The following TANK variants were observed in gnomAD, a reference collection of about 807,000 sequenced individuals.
TANK encodes TRAF family member-associated NF-kappa-B activator.
In TANK, 15 loss-of-function variants were observed where a neutral mutation model predicts 43.6. The ratio of observed to expected loss-of-function variants is 0.34; its 90% CI spans 0.23 to 0.53. The LOEUF (loss-of-function observed/expected upper bound fraction) is 0.53. TANK is among the 20% of genes least tolerant of loss of function. The pLI, the probability that TANK is intolerant of heterozygous loss-of-function variation, is 0.94. For synonymous variants in TANK, 162 were observed against 178.2 expected, an observed-to-expected ratio of 0.91 and a Z score of 0.73; for missense variants, 417 against 498.6, an observed-to-expected ratio of 0.84 and a Z score of 1.56.
At chr2:161,174,455 T>C (rs1308760960) in intron 1 of TANK, among the ~76,000 whole-genome samples, 6 of 152,186 alleles carry the variant, frequency 3.9e-5, no homozygotes, top group African/African-American at 1.4e-4. Flanking sequence ...TGAAATGCCC[T>C]AGCAACTGGT....
At chr2:161,203,408 A>G in intron 2 of TANK, 79 bp from the exon 3 acceptor site, 3 of 958,212 alleles carry the variant, frequency 3.1e-6, no homozygotes, top group South Asian at 3.2e-5. Context: ...ACTCATATCT[A>G]TTTATATTAT....
chr2:161,200,290 G>C (rs1686343841), intron 2 of TANK: 1 of 923,394 alleles, frequency 1.1e-6, no homozygotes, highest in East Asian at 1.2e-4. Context: ...GAATGTACTT[G>C]CTTTGTAATT....
At chr2:161,214,944 C>A (rs1460139885) in intron 4 of TANK, among the ~76,000 whole-genome samples, 1 of 152,148 alleles carries the variant, frequency 6.6e-6, no homozygotes, top group South Asian at 2.1e-4. Flanking sequence ...CTTGGGGAAC[C>A]CACCATTTTA....
At chr2:161,164,702 T>C (rs1023836961) in intron 1 of TANK, among the ~76,000 whole-genome samples, 1 of 152,180 alleles carries the variant, frequency 6.6e-6, no homozygotes, top group African/African-American at 2.4e-5. Context: ...CATTTTCCAA[T>C]TCCTAATCTA....
At chr2:161,215,771 T>G (rs1687090319) in intron 4 of TANK, among the ~76,000 whole-genome samples, 1 of 152,196 alleles carries the variant, frequency 6.6e-6, no homozygotes, top group Admixed American at 6.5e-5. Context: ...AAGAGTCACC[T>G]AATTTTTCAT....
chr2:161,176,380 A>G (rs998306327), intron 1 of TANK, among the ~76,000 whole-genome samples: 1 of 152,088 alleles, frequency 6.6e-6, no homozygotes, highest in Non-Finnish European at 1.5e-5. Context: ...TAAAAGTATC[A>G]TTTACTTATT....
At chr2:161,226,781 C>G (rs145596314) in intron 6 of TANK, among the ~76,000 whole-genome samples, 806 of 45,144 alleles carry the variant, frequency 0.018, 7 homozygotes, top group African/African-American at 0.037. Flanking sequence ...AAATAAAGTA[C>G]TGTTTGGTTC....
At chr2:161,158,143 G>C (rs1182900403), upstream of TANK, among the ~76,000 whole-genome samples, 1 of 152,224 alleles carries the variant, frequency 6.6e-6, no homozygotes, top group African/African-American at 2.4e-5. Flanking sequence ...GCCTCCCAAA[G>C]TGTTAGGATT....
chr2:161,157,323 G>A (rs1684253579), upstream of TANK, among the ~76,000 whole-genome samples: 1 of 152,154 alleles, frequency 6.6e-6, no homozygotes, highest in Non-Finnish European at 1.5e-5. Flanking sequence ...GTTAGAAAAA[G>A]CACCTCTCTG....
chr2:161,154,037 A>G (rs1291904099), intron 1 of TANK, among the ~76,000 whole-genome samples: 1 of 152,196 alleles, frequency 6.6e-6, no homozygotes, highest in Non-Finnish European at 1.5e-5. Flanking sequence ...TTTCTCTAAT[A>G]TCAGTCATAA....
At chr2:161,166,584 G>T (rs1684691441) in intron 1 of TANK, among the ~76,000 whole-genome samples, 1 of 152,108 alleles carries the variant, frequency 6.6e-6, no homozygotes, top group Admixed American at 6.5e-5. Flanking sequence ...CTCCTGATGT[G>T]TTTTGTGGGT....
At chr2:161,202,757 T>C in intron 2 of TANK, 1 of 394,764 alleles carries the variant, frequency 2.5e-6, no homozygotes. Flanking sequence ...AAGACTGTAC[T>C]AATTTGGTAA....
At chr2:161,179,493 T>C (rs1685321146) in intron 1 of TANK, 121 bp from the exon 2 acceptor site, 5 of 769,196 alleles carry the variant, frequency 6.5e-6, no homozygotes, top group Non-Finnish European at 9.4e-6. Flanking sequence ...GAGACTTATG[T>C]TTATAGTACT....
At position 161,231,236 on chromosome 2, in the gene TANK, G is replaced by A. The variant is rs1157537540; in HGVS notation, c.786G>A (p.Glu262=). ...GCATCCTTAGTCCTGCCACGTCTGA[G>A]GCAGTGTGCCAAGAGAAATTTAATA... The part of the protein sequence containing the change: ...RPGILSPATS[E]AVCQEKFNME... The change falls in exon 7 of 8, where the codon GAG becomes GAA. Residue 262 remains glutamate, a synonymous_variant. Transcript: ENST00000392749. The A allele has an allele frequency of 1.2e-6, 2 of 1,613,988 alleles. No homozygotes were observed. The highest frequency in any genetic ancestry group is 4.5e-5 in the East Asian group (2 of 44,882).
intron 4 of TANK, among the ~76,000 whole-genome samples, chr2:161,215,594 G>T (rs570692735): frequency 1.3e-5 from 2 of 151,994 alleles, no homozygotes; most frequent in African/African-American, 4.8e-5. Context: ...TTTTAAAGGC[G>T]CAAGACTGTA....
At chr2:161,169,054 T>G (rs887953244) in intron 1 of TANK, among the ~76,000 whole-genome samples, 7 of 152,328 alleles carry the variant, frequency 4.6e-5, no homozygotes, top group African/African-American at 1.7e-4. Flanking sequence ...CTACAAGATT[T>G]GCGTCACCAC....
intron 2 of TANK, chr2:161,200,443 C>A (rs1686352278): frequency 1.0e-6 from 1 of 966,044 alleles, no homozygotes. Context: ...CATTTACTTT[C>A]CAAATAGCAA....
chr2:161,168,502 AAAAG>A (rs1171809492), intron 1 of TANK, among the ~76,000 whole-genome samples: 1 of 152,144 alleles, frequency 6.6e-6, no homozygotes, highest in Non-Finnish European at 1.5e-5. Context: ...CCTAGGGACA[AAAAG>A]AAAAAAAATC....
chr2:161,182,304 G>A (rs184887321), intron 2 of TANK, among the ~76,000 whole-genome samples: 1 of 152,168 alleles, frequency 6.6e-6, no homozygotes. Flanking sequence ...GATCCGACAA[G>A]TAAAGGGCTC....
Sources: allele counts gnomAD v4.1 joint callset (sites outside exome capture counted in the v4.1 genomes callset), GRCh38; gene constraint gnomAD v4.1.1; transcripts MANE v1.5; gene names NCBI Gene and HGNC (gene_info 2026-07-23, HGNC 2026-07-21).